TICRR: variants seen among roughly 807,000 people sequenced by gnomAD.
TICRR encodes TOPBP1 interacting checkpoint and replication regulator.
TICRR carries 132 observed loss-of-function variants against 178.1 expected under a neutral mutation model. The ratio of observed to expected loss-of-function variants is 0.74; its 90% CI spans 0.64 to 0.86. The LOEUF is 0.86. Ranked by LOEUF, TICRR falls within the 40% of genes least tolerant of loss-of-function variation. The probability of loss-of-function intolerance (pLI) is 0.00; values close to 1 mark genes in which losing one functional copy is unlikely to be tolerated. For synonymous variants in TICRR, 991 were observed against 900.7 expected, an observed-to-expected ratio of 1.10 and a Z score of -1.79; for missense variants, 2,587 against 2,334.3, an observed-to-expected ratio of 1.11 and a Z score of -2.23.
intron 4 of TICRR, among the ~76,000 whole-genome samples, chr15:89,588,273 G>T (rs371903427): frequency 6.6e-6 from 1 of 152,140 alleles, no homozygotes; most frequent in Non-Finnish European, 1.5e-5. Context: ...GAAGTTTGCC[G>T]GGATAGTCGT....
At chr15:89,593,261 T>C (rs1351040408) in intron 5 of TICRR, among the ~76,000 whole-genome samples, 1 of 152,238 alleles carries the variant, frequency 6.6e-6, no homozygotes, top group African/African-American at 2.4e-5. Context: ...ATGGTGCAGC[T>C]ATCCATTTAT....
intron 16 of TICRR, among the ~76,000 whole-genome samples, chr15:89,616,722 A>G (rs916436689): frequency 6.6e-6 from 1 of 152,228 alleles, no homozygotes; most frequent in African/African-American, 2.4e-5. Flanking sequence ...TGCATGCAAT[A>G]GTTCATCCTG....
rs375611879 is a variant in TICRR at position 89,601,732 on chromosome 15, C to G, written c.2328-5C>G. The G allele has an allele frequency of 5.0e-6, 8 of 1,614,036 alleles. No homozygotes were observed. The highest frequency in any genetic ancestry group is 6.8e-6 in the Non-Finnish European group (8 of 1,179,976). On this transcript the variant is annotated splice_polypyrimidine_tract_variant and splice_region_variant and intron_variant, in intron 11 of 21. Coordinates refer to ENST00000268138, the MANE Select transcript of TICRR (RefSeq NM_152259.4). ...TGTTCCGTATTCGATCAATCTGTTC[C>G]ACAGGTATATTGACTCTATCCCAAA...
chr15:89,585,179 G>T (rs79762279), intron 3 of TICRR, among the ~76,000 whole-genome samples: 5,544 of 152,280 alleles, frequency 0.036, 329 homozygotes, highest in African/African-American at 0.13. Context: ...GACAGATGCT[G>T]TTCTGAGAGT....
intron 9 of TICRR, 95 bp from the exon 10 acceptor site, chr15:89,601,203 G>T: frequency 2.9e-6 from 3 of 1,050,760 alleles, no homozygotes; most frequent in Admixed American, 2.5e-5. Context: ...CTTTTTGGTT[G>T]TTGTGTCTTA....
At position 89,619,698 on chromosome 15, in the gene TICRR, G is replaced by C. The variant is rs777014698; in HGVS notation, c.3020-10G>C. On this transcript the variant is annotated splice_polypyrimidine_tract_variant and intron_variant, in intron 17 of 21. Coordinates refer to ENST00000268138, the MANE Select transcript of TICRR (RefSeq NM_152259.4). Reference sequence around the variant, plus strand: ...GTCTTTGGTTACTTACTGTGGTTCTGATTTTACAGAAATAAGTCTGAGACG... The same window carrying C: ...GTCTTTGGTTACTTACTGTGGTTCTCATTTTACAGAAATAAGTCTGAGACG... 1 of 1,601,718 alleles carries C rather than the reference G, an allele frequency of 6.2e-7. No individual in the cohort carries two copies. Among genetic ancestry groups the C allele is most frequent in the Non-Finnish European group, 8.5e-7 (1 of 1,175,724 alleles).
intron 2 of TICRR, among the ~76,000 whole-genome samples, chr15:89,583,590 C>G (rs1962768302): frequency 6.6e-6 from 1 of 152,118 alleles, no homozygotes; most frequent in African/African-American, 2.4e-5. Context: ...TAGAATTTAA[C>G]CTCCTCATAA....
intron 1 of TICRR, among the ~76,000 whole-genome samples, chr15:89,576,821 G>GTGTGTATA (rs1216773233): frequency 1.7e-4 from 16 of 92,432 alleles, no homozygotes; most frequent in African/African-American, 5.9e-4. Context: ...ATGTGTGTGT[G>GTGTGTATA]TATATATATA....
rs776443520 is a variant in TICRR at position 89,626,896 on chromosome 15, A to G, written c.5603-60A>G. ...GTGTAACCCTCTGCAATTTAAGCCAATTTTTTTCAGTTCGGTCCTCTGTGA... is the reference window on the plus strand; with the variant it reads ...GTGTAACCCTCTGCAATTTAAGCCAGTTTTTTTCAGTTCGGTCCTCTGTGA... On this transcript the variant is annotated intron_variant, in intron 21 of 21. Transcript: ENST00000268138. 3.5e-5 allele frequency: 55 copies of G among 1,580,978 alleles called. No individual in the cohort carries two copies. The Admixed American group carries it at 6.3e-4, about 18-fold the overall frequency.
intron 1 of TICRR, 128 bp from the exon 2 acceptor site, chr15:89,582,558 A>T (rs1407194626): frequency 1.2e-6 from 1 of 849,130 alleles, no homozygotes; most frequent in Non-Finnish European, 1.8e-6. Flanking sequence ...TTAGCTCAGC[A>T]AATACATTGG....
At position 89,602,018 on chromosome 15, in the gene TICRR, A is replaced by C. The variant is rs190953326; in HGVS notation, c.2567+42A>C. 3 of 1,604,950 alleles carry C rather than the reference A, an allele frequency of 1.9e-6. No individual in the cohort carries two copies. The South Asian group carries it at 3.3e-5, about 18-fold the overall frequency. ...TCAAAGGAATTATTTGCACTGTTATAGTTCTGATAAAAGATGTGTTTAAAC... is the reference window on the plus strand; with the variant it reads ...TCAAAGGAATTATTTGCACTGTTATCGTTCTGATAAAAGATGTGTTTAAAC... On this transcript the variant is annotated intron_variant, in intron 12 of 21. Transcript: ENST00000268138.
At chr15:89,591,194 C>T (rs537635430) in intron 4 of TICRR, among the ~76,000 whole-genome samples, 2 of 152,262 alleles carry the variant, frequency 1.3e-5, no homozygotes, top group South Asian at 2.1e-4. Flanking sequence ...GGCGTGATCT[C>T]GGCTCACTGC....
chr15:89,581,242 G>A (rs1176061864), intron 1 of TICRR, among the ~76,000 whole-genome samples: 1 of 152,118 alleles, frequency 6.6e-6, no homozygotes, highest in African/African-American at 2.4e-5. Context: ...ATTTATAATT[G>A]TTACCCGGCA....
At chr15:89,621,353 T>C (rs1213794523) in intron 18 of TICRR, 40 bp from the exon 19 acceptor site, 1 of 1,575,774 alleles carries the variant, frequency 6.3e-7, no homozygotes. Flanking sequence ...GAACAGGAAT[T>C]GAGAAAGAAT....
Position 89,584,360 on chromosome 15 carries a change from C to T in TICRR, c.1009C>T (p.Pro337Ser). The change falls in exon 3 of 22, where the codon CCA becomes TCA. Residue 337 changes from proline (P) to serine (S), a missense_variant. Physicochemically the swap from Pro to Ser is moderately conservative, Grantham distance 74. Coordinates refer to ENST00000268138, the MANE Select transcript of TICRR (RefSeq NM_152259.4). ...LAMHQRHFQK[P>S]VRIFLKGSVA... ...CATGCATCAGAGACATTTTCAGAAA[C>T]CAGTCAGAATTTTTCTAAAAGGCTC... is the stretch of plus-strand genomic sequence containing the variant. The T allele has an allele frequency of 6.2e-7, 1 of 1,614,156 alleles. No homozygotes were observed. Among genetic ancestry groups the T allele is most frequent in the Non-Finnish European group, 8.5e-7 (1 of 1,180,026 alleles).
intron 15 of TICRR, 93 bp from the exon 16 acceptor site, chr15:89,616,312 C>G: frequency 1.1e-6 from 1 of 942,028 alleles, no homozygotes; most frequent in Non-Finnish European, 1.7e-6. Context: ...AGGTAATAAG[C>G]CATACAGAAG....
rs1229246486 is a variant in TICRR, at chr15:89,584,451, C to T, written c.1100C>T (p.Pro367Leu). 1 of 1,613,330 alleles carries T rather than the reference C, an allele frequency of 6.2e-7. No homozygotes were observed. Among genetic ancestry groups the T allele is most frequent in the African/African-American group, 1.3e-5 (1 of 74,872 alleles). ...ACTGACAGCTGGATGCTAGGAAGTC[C>T]AGAGGAGAGCACAGCAACTCAAAGG... ...LGTDSWMLGS[P>L]EESTATQRLL... Residue 367 changes from proline to leucine, a missense_variant, in exon 3 of 22, where the codon CCA becomes CTA. Coordinates refer to ENST00000268138, the MANE Select transcript of TICRR (RefSeq NM_152259.4).
chr15:89,619,788 C>T lies in TICRR; in HGVS notation c.3100C>T (p.Gln1034Ter). The change falls in exon 18 of 22, where the codon CAG becomes TAG. Residue 1034 changes from glutamine to a stop codon, truncating the protein, a stop_gained. Coordinates refer to ENST00000268138, the MANE Select transcript of TICRR (RefSeq NM_152259.4). LOFTEE classifies it high-confidence loss of function. ...THSASFYSVS[Q>*]PKSRSVQRVH... ...TTCTGCCTCCTTCTATTCTGTGTCTCAGCCGAAGTCTCGAAGTGTGCAAAG... is the reference window on the plus strand; with the variant it reads ...TTCTGCCTCCTTCTATTCTGTGTCTTAGCCGAAGTCTCGAAGTGTGCAAAG... 2 of 1,614,040 alleles carry T rather than the reference C, an allele frequency of 1.2e-6. No homozygotes were observed. Among genetic ancestry groups the T allele is most frequent in the Admixed American group, 1.7e-5 (1 of 59,978 alleles).
chr15:89,583,067 C>T (rs1393923911), intron 2 of TICRR, 102 bp downstream of exon 2: 19 of 1,238,672 alleles, frequency 1.5e-5, no homozygotes, highest in Admixed American at 2.8e-5. Flanking sequence ...ACAGCCCAGG[C>T]ACTCAACGAA....
Sources: allele counts gnomAD v4.1 joint callset (sites outside exome capture counted in the v4.1 genomes callset), GRCh38; gene constraint gnomAD v4.1.1; transcripts MANE v1.5; gene names NCBI Gene and HGNC (gene_info 2026-07-23, HGNC 2026-07-21).